Variants in NKAIN2 observed in about 807,000 individuals in gnomAD.
The protein encoded by NKAIN2 is sodium/potassium-transporting ATPase subunit beta-1-interacting protein 2.
In NKAIN2, 14 loss-of-function variants were observed where a neutral mutation model predicts 32.6. The ratio of observed to expected loss-of-function variants is 0.43; its 90% CI spans 0.28 to 0.67. The LOEUF is 0.67. Ranked by LOEUF, NKAIN2 falls within the 30% of genes least tolerant of loss-of-function variation. NKAIN2 has a pLI of 0.17. For synonymous variants in NKAIN2, 80 were observed against 87.2 expected, an observed-to-expected ratio of 0.92 and a Z score of 0.46; for missense variants, 198 against 258.3, an observed-to-expected ratio of 0.77 and a Z score of 1.60.
chr6:124,142,718 A>C (rs2114342061), intron 1 of NKAIN2, among the ~76,000 whole-genome samples: 1 of 152,334 alleles, frequency 6.6e-6, no homozygotes. Flanking sequence ...ATGAAGTAGA[A>C]AAAATTAATA....
At chr6:124,185,984 C>T (rs528194425) in intron 1 of NKAIN2, among the ~76,000 whole-genome samples, 9 of 151,042 alleles carry the variant, frequency 6.0e-5, no homozygotes, top group East Asian at 1.9e-4. Flanking sequence ...AAATAGGAAC[C>T]GTAGAAGCTC....
At chr6:124,272,651 G>A (rs2114883069) in intron 1 of NKAIN2, among the ~76,000 whole-genome samples, 1 of 152,188 alleles carries the variant, frequency 6.6e-6, no homozygotes, top group South Asian at 2.1e-4. Flanking sequence ...ATGAGAAGAG[G>A]GCTACTGTTC....
At chr6:124,406,629 T>G (rs945414983) in intron 3 of NKAIN2, among the ~76,000 whole-genome samples, 1 of 152,218 alleles carries the variant, frequency 6.6e-6, no homozygotes, top group Admixed American at 6.5e-5. Context: ...TATGAATGGT[T>G]GTATGTTTAA....
At chr6:124,035,688 A>T (rs1020065189) in intron 1 of NKAIN2, among the ~76,000 whole-genome samples, 5 of 152,172 alleles carry the variant, frequency 3.3e-5, no homozygotes, top group African/African-American at 1.2e-4. Flanking sequence ...CAACTATGTG[A>T]TTAATTCACT....
chr6:124,535,796 G>C (rs888400130), intron 3 of NKAIN2, among the ~76,000 whole-genome samples: 1 of 152,172 alleles, frequency 6.6e-6, no homozygotes, highest in African/African-American at 2.4e-5. Context: ...ACAGCAGCCT[G>C]TAAGTTTCTC....
chr6:123,815,501 C>T (rs1450049106), intron 1 of NKAIN2, among the ~76,000 whole-genome samples: 1 of 151,958 alleles, frequency 6.6e-6, no homozygotes, highest in Non-Finnish European at 1.5e-5. Flanking sequence ...ATCTCTAGAG[C>T]AGTAGTTTTG....
At chr6:124,544,974 T>C (rs1780041992) in intron 3 of NKAIN2, among the ~76,000 whole-genome samples, 1 of 152,202 alleles carries the variant, frequency 6.6e-6, no homozygotes. Context: ...AAGCAAATTA[T>C]GGAAGAATCA....
chr6:124,663,423 T>C (rs1167954563), intron 4 of NKAIN2, among the ~76,000 whole-genome samples: 1 of 149,742 alleles, frequency 6.7e-6, no homozygotes, highest in African/African-American at 2.5e-5. Context: ...AGAGCAAGAC[T>C]CCATCTCAAA....
At chr6:124,127,279 C>T (rs1292221566) in intron 1 of NKAIN2, among the ~76,000 whole-genome samples, 1 of 151,942 alleles carries the variant, frequency 6.6e-6, no homozygotes, top group Admixed American at 6.5e-5. Context: ...TGCAGACGTA[C>T]AAATGAGCTG....
At chr6:124,453,435 A>C (rs1776197293) in intron 3 of NKAIN2, among the ~76,000 whole-genome samples, 1 of 151,742 alleles carries the variant, frequency 6.6e-6, no homozygotes. Context: ...TAACAGAATG[A>C]TATATGATTT....
intron 1 of NKAIN2, among the ~76,000 whole-genome samples, chr6:124,155,769 C>T (rs772887764): frequency 2.0e-5 from 3 of 151,614 alleles, no homozygotes; most frequent in African/African-American, 4.8e-5. Flanking sequence ...AGATAATTGA[C>T]GTATAGTGAA....
chr6:123,842,705 A>G (rs1012704755), intron 1 of NKAIN2, among the ~76,000 whole-genome samples: 20 of 151,344 alleles, frequency 1.3e-4, no homozygotes, highest in Non-Finnish European at 2.4e-4. Flanking sequence ...ACGTCCACTT[A>G]GAGGATTAGC....
intron 1 of NKAIN2, among the ~76,000 whole-genome samples, chr6:123,841,244 G>A (rs1774856731): frequency 6.6e-6 from 1 of 152,082 alleles, no homozygotes; most frequent in African/African-American, 2.4e-5. Flanking sequence ...TCTCTCATTG[G>A]AACCAATTTG....
intron 1 of NKAIN2, among the ~76,000 whole-genome samples, chr6:124,138,587 T>C (rs1280067744): frequency 2.0e-5 from 3 of 149,444 alleles, no homozygotes; most frequent in Admixed American, 2.0e-4. Context: ...GAAACTAACC[T>C]AAAAGCCCAT....
chr6:124,286,742 T>A (rs1205572791), intron 2 of NKAIN2, among the ~76,000 whole-genome samples: 1 of 151,318 alleles, frequency 6.6e-6, no homozygotes, highest in East Asian at 1.9e-4. Flanking sequence ...AGTGCAATGG[T>A]ACGGTCTCCG....
At chr6:124,392,451 A>G (rs761467954) in intron 3 of NKAIN2, among the ~76,000 whole-genome samples, 3 of 152,150 alleles carry the variant, frequency 2.0e-5, no homozygotes, top group Non-Finnish European at 2.9e-5. Context: ...AAGGTTTTTA[A>G]ATCATAAGCA....
At chr6:124,074,951 C>T (rs1046951825) in intron 1 of NKAIN2, among the ~76,000 whole-genome samples, 4 of 152,100 alleles carry the variant, frequency 2.6e-5, no homozygotes, top group Admixed American at 2.0e-4. Flanking sequence ...ATTCATGAGC[C>T]TAGCATTATG....
chr6:124,330,998 A>G (rs1022179693), intron 2 of NKAIN2, among the ~76,000 whole-genome samples: 3 of 152,002 alleles, frequency 2.0e-5, no homozygotes, highest in Non-Finnish European at 4.4e-5. Flanking sequence ...TCCATGGAAA[A>G]ATTATCTTCC....
At chr6:124,054,062 A>G (rs959115639) in intron 1 of NKAIN2, among the ~76,000 whole-genome samples, 1 of 152,112 alleles carries the variant, frequency 6.6e-6, no homozygotes, top group South Asian at 2.1e-4. Flanking sequence ...TGTATTATCT[A>G]TGTCATCTTC....
Sources: allele counts gnomAD v4.1 joint callset (sites outside exome capture counted in the v4.1 genomes callset), GRCh38; gene constraint gnomAD v4.1.1; transcripts MANE v1.5; gene names NCBI Gene and HGNC (gene_info 2026-07-23, HGNC 2026-07-21).